TANC1: variants seen among roughly 807,000 people sequenced by gnomAD.
TANC1 encodes tetratricopeptide repeat, ankyrin repeat and coiled-coil containing 1.
Under a neutral mutation model 149.7 loss-of-function variants are expected in TANC1, and 77 were observed. That is an observed-to-expected ratio of 0.51 (90% CI 0.43 to 0.62). The LOEUF is 0.62. Among genes scored for constraint, TANC1 ranks in the 20% least tolerant of loss-of-function variants. The probability of loss-of-function intolerance (pLI) is 0.00; values close to 1 mark genes in which losing one functional copy is unlikely to be tolerated. For synonymous variants in TANC1, 854 were observed against 925.0 expected (o/e 0.92, Z 1.39); for missense variants, 1,985 against 2,321.8 (o/e 0.85, Z 2.98).
At chr2:159,186,831 G>A in intron 15 of TANC1, 71 bp from the exon 16 acceptor site, 1 of 1,601,034 alleles carries the variant, frequency 6.2e-7, no homozygotes, top group Non-Finnish European at 8.5e-7. Flanking sequence ...GAGTGACCCT[G>A]CAGGTGGGAA....
chr2:159,109,227 G>T (rs992003330), intron 4 of TANC1, among the ~76,000 whole-genome samples: 1 of 152,198 alleles, frequency 6.6e-6, no homozygotes, highest in Non-Finnish European at 1.5e-5. Context: ...GTGTCTGTCT[G>T]CCCCAGTCAT....
At position 159,194,475 on chromosome 2, in the gene TANC1, G is replaced by C. The variant is rs1056337433; in HGVS notation, c.2961G>C (p.Leu987=). Reference sequence around the variant, plus strand: ...GCCACATGAAGCTGGTGTGTCTGCTGACCAAGAAGGGAGTGAGAGTAAGCG... The same window carrying C: ...GCCACATGAAGCTGGTGTGTCTGCTCACCAAGAAGGGAGTGAGAGTAAGCG... ...AAGHMKLVCL[L]TKKGVRVDHL... is the part of the protein sequence containing the mutation. Residue 987 remains leucine, a synonymous_variant, in exon 17 of 27, where the codon CTG becomes CTC. Transcript: ENST00000263635. The C allele has an allele frequency of 6.2e-7, 1 of 1,614,142 alleles. No homozygotes were observed. Among genetic ancestry groups the C allele is most frequent in the Non-Finnish European group, 8.5e-7 (1 of 1,179,974 alleles).
chr2:159,111,001 T>C (rs264586), intron 4 of TANC1, among the ~76,000 whole-genome samples: 49,770 of 152,138 alleles, frequency 0.33, 8,872 homozygotes, highest in East Asian at 0.63. Flanking sequence ...TATTCATCTT[T>C]TCCTGGTTTG....
At chr2:159,044,460 C>T (rs1380135621) in intron 2 of TANC1, among the ~76,000 whole-genome samples, 1 of 151,882 alleles carries the variant, frequency 6.6e-6, no homozygotes, top group Non-Finnish European at 1.5e-5. Context: ...AGAGGTTTGG[C>T]GAGGCTGGAG....
At chr2:159,167,915 A>G (rs1382184925) in intron 8 of TANC1, among the ~76,000 whole-genome samples, 2 of 152,186 alleles carry the variant, frequency 1.3e-5, no homozygotes, top group Admixed American at 6.5e-5. Flanking sequence ...TTGGGCAGCC[A>G]GAGGGTTTTC....
chr2:159,091,489 ACT>A (rs1190981049), intron 3 of TANC1, among the ~76,000 whole-genome samples: 5 of 151,976 alleles, frequency 3.3e-5, no homozygotes, highest in Admixed American at 3.3e-4. Context: ...AAGCACAGAA[ACT>A]CTTGCATGCT....
At chr2:159,215,077 C>T (rs1169867977) in intron 19 of TANC1, among the ~76,000 whole-genome samples, 8 of 152,242 alleles carry the variant, frequency 5.3e-5, no homozygotes, top group African/African-American at 1.2e-4. Flanking sequence ...GGACCAGAAG[C>T]GAAGTGAGAG....
chr2:159,124,832 G>T (rs2049232102), intron 4 of TANC1, among the ~76,000 whole-genome samples: 1 of 151,154 alleles, frequency 6.6e-6, no homozygotes, highest in Non-Finnish European at 1.5e-5. Flanking sequence ...CTCGACTTGT[G>T]TGATCCTCCC....
intron 7 of TANC1, among the ~76,000 whole-genome samples, chr2:159,156,703 G>T: frequency 6.6e-6 from 1 of 152,234 alleles, no homozygotes; most frequent in East Asian, 1.9e-4. Context: ...CTTTTCCAAA[G>T]TCTGGAAAAG....
chr2:159,080,482 G>A (rs1260179113), intron 3 of TANC1, among the ~76,000 whole-genome samples: 3 of 152,192 alleles, frequency 2.0e-5, no homozygotes, highest in Non-Finnish European at 2.9e-5. Context: ...TCCCACTCTA[G>A]CATGGCTAGA....
At position 158,977,194 on chromosome 2, in the gene TANC1, C is replaced by G. The variant is rs1399863214; in HGVS notation, c.-126+8412C>G. On this transcript the variant is annotated intron_variant, in intron 1 of 26. Coordinates refer to ENST00000263635, the MANE Select transcript of TANC1 (RefSeq NM_033394.3). ...TTGCTCTGTTGCCCAAGCTGGAGTA[C>G]AGTGGTGTGATGATAGTTCACTGCA... Among the ~76,000 whole-genome samples the G allele has an allele frequency of 4.6e-5, 7 of 152,130 alleles. No individual in the cohort carries two copies. The East Asian group carries it at 1.3e-3, about 29-fold the overall frequency.
chr2:159,095,154 G>A (rs1419223174), intron 3 of TANC1, among the ~76,000 whole-genome samples: 3 of 152,056 alleles, frequency 2.0e-5, no homozygotes, highest in South Asian at 2.1e-4. Context: ...CACCGTGTTG[G>A]CCAGGCTGGT....
chr2:158,992,076 G>A (rs2035687480), intron 1 of TANC1, among the ~76,000 whole-genome samples: 1 of 151,844 alleles, frequency 6.6e-6, no homozygotes, highest in African/African-American at 2.4e-5. Context: ...AGTAATACAC[G>A]TTTAGGCTGG....
chr2:159,003,256 C>T (rs1327615674), intron 2 of TANC1, among the ~76,000 whole-genome samples: 1 of 152,174 alleles, frequency 6.6e-6, no homozygotes, highest in Non-Finnish European at 1.5e-5. Flanking sequence ...GAAACAGGAG[C>T]TAGGTAGAAT....
chr2:159,061,983 A>G (rs1343037122), intron 2 of TANC1, among the ~76,000 whole-genome samples: 1 of 152,168 alleles, frequency 6.6e-6, no homozygotes, highest in East Asian at 1.9e-4. Flanking sequence ...CACACCTGTA[A>G]TCCCAGCACT....
chr2:159,202,906 CA>C (rs202220192), intron 19 of TANC1, among the ~76,000 whole-genome samples: 3,223 of 152,244 alleles, frequency 0.021, 43 homozygotes, highest in Non-Finnish European at 0.034. Flanking sequence ...TGCTGTGAAT[CA>C]GCCCAAGCCG....
At position 159,097,757 on chromosome 2, in the gene TANC1, C is replaced by T. The variant is rs554056740; in HGVS notation, c.182C>T (p.Ser61Leu). The T allele has an allele frequency of 1.1e-5, 17 of 1,614,072 alleles. No individual in the cohort carries two copies. Among genetic ancestry groups the T allele is most frequent in the South Asian group, 6.6e-5 (6 of 91,072 alleles). Residue 61 changes from serine (S) to leucine (L), a missense_variant, in exon 4 of 27, where the codon TCG (serine) becomes TTG (leucine). Ser to Leu is a moderately radical substitution (Grantham distance 145). Coordinates refer to ENST00000263635, the MANE Select transcript of TANC1 (RefSeq NM_033394.3). Reference sequence around the variant, plus strand: ...AGGGTGAGCTTGGCCAAAGGTGTCTCGATGTCTCTGCCTTCCTCACCTTTG... The same window carrying T: ...AGGGTGAGCTTGGCCAAAGGTGTCTTGATGTCTCTGCCTTCCTCACCTTTG... Reference protein sequence around the residue: ...TYRVSLAKGVSMSLPSSPLLP... With the variant: ...TYRVSLAKGVLMSLPSSPLLP...
At chr2:159,024,618 G>C (rs1041698898) in intron 2 of TANC1, among the ~76,000 whole-genome samples, 2 of 152,104 alleles carry the variant, frequency 1.3e-5, no homozygotes, top group African/African-American at 4.8e-5. Context: ...GGGCATGGTG[G>C]CATGTGTCTG....
Position 159,185,011 on chromosome 2 carries a change from C to T in TANC1, c.2511-780C>T, listed in dbSNP as rs569687386. Among the ~76,000 whole-genome samples, 103 of 152,276 alleles carry T rather than the reference C, an allele frequency of 6.8e-4. 3 individuals carry two copies. The South Asian group carries it at 0.018, about 26-fold the overall frequency. On this transcript the variant is annotated intron_variant, in intron 14 of 26. Transcript: ENST00000263635. ...TAGATTAGCAACTACTAGGAGGATG[C>T]GTTTTAAAACATATATAATGTTTAT...
Sources: gnomAD v4.1 joint callset for allele counts (sites outside exome capture counted in the v4.1 genomes callset) on GRCh38, gnomAD v4.1.1 for gene constraint, MANE v1.5 for transcripts, NCBI Gene and HGNC (gene_info 2026-07-23, HGNC 2026-07-21) for gene names.